Variants in ARHGEF3 observed in about 807,000 individuals in gnomAD.
ARHGEF3 encodes the protein Rho guanine nucleotide exchange factor 3, also known as 59.8 kDA protein.
Under a neutral mutation model 63.2 loss-of-function variants are expected in ARHGEF3, and 28 were observed. The observed-to-expected ratio is 0.44, with a 90% CI of 0.33 to 0.61. The LOEUF (loss-of-function observed/expected upper bound fraction) is 0.61. Ranked by LOEUF, ARHGEF3 falls within the 20% of genes least tolerant of loss-of-function variation. The pLI, the probability that ARHGEF3 is intolerant of heterozygous loss-of-function variation, is 0.03. For synonymous variants in ARHGEF3, 266 were observed against 254.2 expected (o/e 1.05, Z -0.44); for missense variants, 533 against 659.3 (o/e 0.81, Z 2.10).
chr3:56,795,294 A>G (rs2037293941), intron 1 of ARHGEF3, among the ~76,000 whole-genome samples: 1 of 152,090 alleles, frequency 6.6e-6, no homozygotes, highest in Non-Finnish European at 1.5e-5. Context: ...CATGTTCTCA[A>G]CAGGCCTTTC....
intron 7 of ARHGEF3, among the ~76,000 whole-genome samples, chr3:56,738,677 CT>C (rs2033806613): frequency 6.6e-6 from 1 of 152,160 alleles, no homozygotes; most frequent in Non-Finnish European, 1.5e-5. Context: ...AACAAGAGTA[CT>C]GCCTGAGATG....
intron 4 of ARHGEF3, among the ~76,000 whole-genome samples, chr3:56,815,028 C>A (rs1412236275): frequency 6.6e-6 from 1 of 151,970 alleles, no homozygotes; most frequent in Non-Finnish European, 1.5e-5. Flanking sequence ...CCTATGGTGA[C>A]AGCTACTCAG....
At chr3:57,010,404 C>A (rs373092708) in intron 2 of ARHGEF3, among the ~76,000 whole-genome samples, 6 of 146,634 alleles carry the variant, frequency 4.1e-5, no homozygotes, top group Admixed American at 2.8e-4. Context: ...TGCAGTGAGC[C>A]GAGATCGCAC....
At chr3:57,034,642 G>A (rs1234582402) in intron 2 of ARHGEF3, among the ~76,000 whole-genome samples, 2 of 147,724 alleles carry the variant, frequency 1.4e-5, no homozygotes, top group Middle Eastern at 3.3e-3. Flanking sequence ...GTGAAATTTT[G>A]CTAACTCCAA....
At chr3:56,983,309 G>A (rs1425951954) in intron 2 of ARHGEF3, among the ~76,000 whole-genome samples, 1 of 152,116 alleles carries the variant, frequency 6.6e-6, no homozygotes, top group Non-Finnish European at 1.5e-5. Flanking sequence ...TGCTAGGGTT[G>A]AGTGGTAGCT....
intron 3 of ARHGEF3, among the ~76,000 whole-genome samples, chr3:56,898,345 G>A (rs1308161471): frequency 2.0e-5 from 3 of 152,108 alleles, no homozygotes; most frequent in Non-Finnish European, 4.4e-5. Flanking sequence ...GAGTAGCTGG[G>A]ATTACAGGCA....
At chr3:56,802,786 T>A (rs4681900), upstream of ARHGEF3, among the ~76,000 whole-genome samples, 102,619 of 152,084 alleles carry the variant, frequency 0.67, 34,898 homozygotes, top group Admixed American at 0.69. Flanking sequence ...GCGATTGATC[T>A]TAAGGTTGTT....
chr3:57,049,441 A>G (rs3856702), intron 1 of ARHGEF3, among the ~76,000 whole-genome samples: 37,888 of 151,882 alleles, frequency 0.25, 5,639 homozygotes, highest in East Asian at 0.63. Context: ...TGCTCTCGAA[A>G]CTGGAGCAGT....
chr3:56,772,323 T>A (rs1257594035), intron 2 of ARHGEF3, among the ~76,000 whole-genome samples: 1 of 152,162 alleles, frequency 6.6e-6, no homozygotes, highest in Non-Finnish European at 1.5e-5. Flanking sequence ...CATGACATAT[T>A]GGCTGTATGG....
At chr3:57,060,454 ACACCTGTCCC>A (rs964175805) in intron 1 of ARHGEF3, 20 of 152,210 alleles carry the variant, frequency 1.3e-4, no homozygotes, top group African/African-American at 4.8e-4. Flanking sequence ...GGAAGTGGGT[ACACCTGTCCC>A]CACCCCCACA....
At chr3:57,040,965 C>T (rs888954327) in intron 1 of ARHGEF3, among the ~76,000 whole-genome samples, 1 of 151,960 alleles carries the variant, frequency 6.6e-6, no homozygotes, top group African/African-American at 2.4e-5. Context: ...ATCTATAACC[C>T]CATCTCCTCT....
intron 4 of ARHGEF3, among the ~76,000 whole-genome samples, chr3:56,813,796 C>T (rs967755816): frequency 2.6e-5 from 4 of 152,124 alleles, no homozygotes; most frequent in Non-Finnish European, 5.9e-5. Flanking sequence ...AAATTAGGTG[C>T]CATCACGTTT....
At chr3:57,047,323 G>A (rs1704494984) in intron 1 of ARHGEF3, among the ~76,000 whole-genome samples, 1 of 152,084 alleles carries the variant, frequency 6.6e-6, no homozygotes, top group South Asian at 2.1e-4. Flanking sequence ...CTTCAGCCTG[G>A]GTGACAGAAT....
chr3:56,835,377 T>C (rs1286505257), intron 4 of ARHGEF3, among the ~76,000 whole-genome samples: 2 of 152,082 alleles, frequency 1.3e-5, no homozygotes, highest in Admixed American at 6.6e-5. Flanking sequence ...GGTTTCACCA[T>C]GTTGGCCAAG....
At chr3:56,781,695 ATAT>A (rs1269724552) in intron 1 of ARHGEF3, among the ~76,000 whole-genome samples, 1 of 152,234 alleles carries the variant, frequency 6.6e-6, no homozygotes, top group Admixed American at 6.5e-5. Context: ...TGTAAAGTTA[ATAT>A]TATTCTCTTT....
Position 56,935,424 on chromosome 3 carries a change from G to T in ARHGEF3, c.129+23399C>A, listed in dbSNP as rs181140644. 2.8e-4 allele frequency among the ~76,000 whole-genome samples: 42 copies of T among 152,222 alleles called. 2 individuals are homozygous for T. The East Asian group carries it at 8.1e-3, about 29-fold the overall frequency. On this transcript the variant is annotated intron_variant, in intron 3 of 12. Transcript: ENST00000338458. ...CTGCCCTAGCCAGCAGCGGCAACCC[G>T]CTGGGGTCCCCTTCCACAGTGTGGA...
chr3:56,904,512 T>G (rs2041624349), intron 3 of ARHGEF3, among the ~76,000 whole-genome samples: 1 of 152,168 alleles, frequency 6.6e-6, no homozygotes, highest in Non-Finnish European at 1.5e-5. Flanking sequence ...AATAAACATA[T>G]TACTTGTTAA....
At chr3:57,063,237 T>A (rs945326200) in intron 1 of ARHGEF3, among the ~76,000 whole-genome samples, 9 of 152,052 alleles carry the variant, frequency 5.9e-5, no homozygotes, top group Non-Finnish European at 1.0e-4. Context: ...AAGGGCAAAC[T>A]AAGAGAGGAG....
At position 56,729,557 on chromosome 3, in the gene ARHGEF3, T is replaced by G. The variant is rs2032963819; in HGVS notation, c.1294A>C (p.Asn432His). ...SQSQTHSLQANDTFNKQQWLN... is the reference protein window; with the variant it reads ...SQSQTHSLQAHDTFNKQQWLN... The stretch of plus-strand genomic sequence containing the variant: ...CACTGCTGTTTGTTGAAAGTGTCAT[T>G]GGCTTGTAGCGAGTGGGTCTGACTT... Residue 432 changes from asparagine (N) to histidine (H), a missense_variant, in exon 10 of 10, where the codon AAT (asparagine) becomes CAT (histidine). Coordinates refer to ENST00000296315, the MANE Select transcript of ARHGEF3 (RefSeq NM_019555.3). The G allele has an allele frequency of 1.9e-6, 3 of 1,613,340 alleles. No individual in the cohort carries two copies. In the African/African-American group the frequency reaches 4.0e-5, roughly 22 times the overall value.
Sources: gnomAD v4.1 joint callset for allele counts (sites outside exome capture counted in the v4.1 genomes callset) on GRCh38, gnomAD v4.1.1 for gene constraint, MANE v1.5 for transcripts, NCBI Gene and HGNC (gene_info 2026-07-23, HGNC 2026-07-21) for gene names.